Variants in PRSS55 observed in about 807,000 individuals in gnomAD.
PRSS55 encodes the protein probable serine protease UNQ9391/PRO34284.
PRSS55 carries 41 observed loss-of-function variants against 23.6 expected under a neutral mutation model. That is an observed-to-expected ratio of 1.74 (90% CI 1.35 to 2.26). PRSS55 has a LOEUF of 2.26. Among genes scored for constraint, PRSS55 ranks in the 30% most tolerant of loss-of-function variants. PRSS55 has a pLI of 0.00. For synonymous variants in PRSS55, 262 were observed against 175.5 expected (o/e 1.49, Z -3.90); for missense variants, 669 against 439.1 (o/e 1.52, Z -4.68).
Position 10,538,620 on chromosome 8 carries a change from G to C in PRSS55, c.886G>C (p.Glu296Gln). The change falls in exon 5 of 5, where the codon GAG becomes CAG. Residue 296 changes from glutamate (E) to glutamine (Q), a missense_variant. Glu to Gln is a conservative substitution (Grantham distance 29, BLOSUM62 2). Coordinates refer to ENST00000328655, the MANE Select transcript of PRSS55 (RefSeq NM_198464.4). ...TSLVNYNLWI[E>Q]KVTQLEGRPF... ...GTTGGTGAACTACAACCTCTGGATCGAGAAAGTGACCCAGCTAGAGGGCAG... is the reference window on the plus strand; with the variant it reads ...GTTGGTGAACTACAACCTCTGGATCCAGAAAGTGACCCAGCTAGAGGGCAG... 1 of 1,614,138 alleles carries C rather than the reference G, an allele frequency of 6.2e-7. No individual in the cohort carries two copies.
At chr8:10,540,551 T>A (rs1812622224), downstream of PRSS55, 1 of 151,932 alleles carries the variant, frequency 6.6e-6, no homozygotes, top group Non-Finnish European at 1.5e-5. Flanking sequence ...GTCTCTACTT[T>A]AAAAAATACA....
chr8:10,537,194 C>G (rs1440882491), intron 4 of PRSS55, among the ~76,000 whole-genome samples: 2 of 152,176 alleles, frequency 1.3e-5, no homozygotes, highest in African/African-American at 4.8e-5. Flanking sequence ...TATAGGAGCA[C>G]TATTCACAAT....
chr8:10,544,942 T>C (rs955248314), intron 4 of PRSS55: 9 of 850,358 alleles, frequency 1.1e-5, no homozygotes, highest in Non-Finnish European at 1.1e-5. Flanking sequence ...AAAGTATGTA[T>C]TTATAGAATT....
downstream of PRSS55, among the ~76,000 whole-genome samples, chr8:10,543,473 T>TTTCC (rs1812725622): frequency 1.5e-5 from 1 of 64,662 alleles, no homozygotes; most frequent in East Asian, 5.2e-4. Context: ...CCTTTCTTTC[T>TTTCC]TTCTCTCTTT....
At chr8:10,535,971 G>C (rs1002070731) in intron 4 of PRSS55, among the ~76,000 whole-genome samples, 1 of 152,220 alleles carries the variant, frequency 6.6e-6, no homozygotes, top group Non-Finnish European at 1.5e-5. Context: ...CGGATCACGA[G>C]GTCAGGAGAT....
chr8:10,530,210 C>G (rs1461285778), intron 2 of PRSS55, among the ~76,000 whole-genome samples: 1 of 152,262 alleles, frequency 6.6e-6, no homozygotes, highest in African/African-American at 2.4e-5. Flanking sequence ...TGGCTCACGC[C>G]TGTCATCCCA....
chr8:10,525,562 G>T lies in PRSS55; in HGVS notation c.-24G>T, dbSNP rs775156177. 1.2e-5 allele frequency: 20 copies of T among 1,604,766 alleles called. No homozygotes were observed. The Admixed American group carries it at 3.4e-4, about 27-fold the overall frequency. On this transcript the variant is annotated 5_prime_UTR_variant, in exon 1 of 5. Coordinates refer to ENST00000328655, the MANE Select transcript of PRSS55 (RefSeq NM_198464.4). ...CTCAGCCCTGGCCTCTGTCACCCCC[G>T]GGCCCACAGCACAGCCCAGGGCCAT...
At chr8:10,549,762 G>A (rs1244234705) in intron 4 of PRSS55, among the ~76,000 whole-genome samples, 4 of 151,206 alleles carry the variant, frequency 2.6e-5, no homozygotes, top group Non-Finnish European at 5.9e-5. Flanking sequence ...CCATGAAACA[G>A]CACAGGCACA....
downstream of PRSS55, among the ~76,000 whole-genome samples, chr8:10,543,338 A>T (rs1316488560): frequency 2.6e-5 from 4 of 152,200 alleles, no homozygotes; most frequent in African/African-American, 9.7e-5. Context: ...TGAAGACATC[A>T]CATCCTGGTG....
chr8:10,543,476 C>CTTT (rs57429225), downstream of PRSS55, among the ~76,000 whole-genome samples: 134 of 28,142 alleles, frequency 4.8e-3, 2 homozygotes, highest in Non-Finnish European at 7.3e-3. Context: ...TTCTTTCTTT[C>CTTT]TCTCTTTTTT....
At chr8:10,531,090 T>C (rs558053302) in intron 2 of PRSS55, among the ~76,000 whole-genome samples, 4 of 140,004 alleles carry the variant, frequency 2.9e-5, no homozygotes, top group Admixed American at 7.4e-5. Context: ...GGCTGTGGTC[T>C]GCACACCAGC....
intron 4 of PRSS55, among the ~76,000 whole-genome samples, 171 bp from the exon 5 acceptor site, chr8:10,538,305 A>C (rs1269434012): frequency 1.3e-5 from 2 of 152,040 alleles, no homozygotes; most frequent in Non-Finnish European, 2.9e-5. Flanking sequence ...ACACCCCTAC[A>C]ACCTCCAGAG....
chr8:10,552,941 C>T (rs1273790104), intron 4 of PRSS55, among the ~76,000 whole-genome samples: 2 of 152,216 alleles, frequency 1.3e-5, no homozygotes, highest in African/African-American at 4.8e-5. Context: ...GAAATGAAAT[C>T]AGTATGTTGA....
chr8:10,535,541 TC>T (rs753355297), intron 4 of PRSS55, among the ~76,000 whole-genome samples: 3 of 152,216 alleles, frequency 2.0e-5, no homozygotes, highest in Non-Finnish European at 1.5e-5. Flanking sequence ...CTGGACCCTT[TC>T]CTTTCACCAT....
At chr8:10,550,229 G>A (rs1056887384) in intron 4 of PRSS55, among the ~76,000 whole-genome samples, 2 of 152,164 alleles carry the variant, frequency 1.3e-5, no homozygotes, top group African/African-American at 4.8e-5. Context: ...GGCCCACAGG[G>A]CATTTTAGCT....
At chr8:10,545,036 C>G in intron 4 of PRSS55, 1 of 984,780 alleles carries the variant, frequency 1.0e-6, no homozygotes, top group Non-Finnish European at 1.2e-6. Context: ...GTGGCCTGCA[C>G]CTGTGCTTCT....
At chr8:10,551,245 C>T (rs978915586) in intron 4 of PRSS55, among the ~76,000 whole-genome samples, 1 of 152,184 alleles carries the variant, frequency 6.6e-6, no homozygotes, top group Non-Finnish European at 1.5e-5. Flanking sequence ...TTACTGATCT[C>T]CTTATTTGCC....
In PRSS55 at chr8:10,538,495, T is replaced by C. The variant is rs780977354; in HGVS notation, c.761T>C (p.Leu254Pro). 2.5e-6 allele frequency: 4 copies of C among 1,613,312 alleles called. No homozygotes were observed. The highest frequency in any genetic ancestry group is 2.5e-6 in the Non-Finnish European group (3 of 1,179,766). Residue 254 changes from leucine (L) to proline (P), a missense_variant, in exon 5 of 5, where the codon CTG (leucine) becomes CCG (proline). Transcript: ENST00000328655. ...DACKGDSGGPLVCTPEPGEKW... is the reference protein window; with the variant it reads ...DACKGDSGGPPVCTPEPGEKW... ...CCACAGGGTGACAGTGGGGGGCCTC[T>C]GGTCTGCACCCCAGAGCCTGGTGAG...
intron 4 of PRSS55, among the ~76,000 whole-genome samples, chr8:10,545,754 A>C (rs2117075903): frequency 6.6e-6 from 1 of 152,352 alleles, no homozygotes; most frequent in South Asian, 2.1e-4. Flanking sequence ...CATTGTCTTG[A>C]GCAGTAAAAA....
Sources: gnomAD v4.1 joint callset for allele counts (sites outside exome capture counted in the v4.1 genomes callset) on GRCh38, gnomAD v4.1.1 for gene constraint, MANE v1.5 for transcripts, NCBI Gene and HGNC (gene_info 2026-07-23, HGNC 2026-07-21) for gene names.